RICTOR: variants seen among roughly 807,000 people sequenced by gnomAD.
RICTOR encodes the protein RPTOR independent companion of MTOR complex 2, also known as rapamycin-insensitive companion of mTOR.
In RICTOR, 49 loss-of-function variants were observed where a neutral mutation model predicts 214.9. That is an observed-to-expected ratio of 0.23 (90% CI 0.18 to 0.29). The LOEUF (loss-of-function observed/expected upper bound fraction) is 0.29, where lower values mean the gene tolerates loss of function less well. Among genes scored for constraint, RICTOR ranks in the 10% least tolerant of loss-of-function variants. The pLI is 1.00. For synonymous variants in RICTOR, 717 were observed against 711.3 expected (o/e 1.01, Z -0.13); for missense variants, 1,625 against 2,047.0 (o/e 0.79, Z 3.98).
chr5:38,971,292 A>C (rs932228614), intron 11 of RICTOR: 11 of 152,554 alleles, frequency 7.2e-5, no homozygotes, highest in Admixed American at 2.6e-4. Flanking sequence ...TTGGCCTCCC[A>C]AAGTGCTGGG....
chr5:38,953,908 A>T (rs1749012860), intron 27 of RICTOR, among the ~76,000 whole-genome samples: 1 of 151,890 alleles, frequency 6.6e-6, no homozygotes, highest in Admixed American at 6.6e-5. Flanking sequence ...AGTATTACTA[A>T]ATAATCATAC....
chr5:38,959,051 G>A, intron 22 of RICTOR, 144 bp downstream of exon 22: 1 of 674,944 alleles, frequency 1.5e-6, no homozygotes, highest in South Asian at 2.9e-5. Context: ...AGTACTATAT[G>A]CAGTTCCTTG....
intron 2 of RICTOR, among the ~76,000 whole-genome samples, chr5:39,061,283 G>A (rs1451524125): frequency 6.6e-6 from 1 of 152,166 alleles, no homozygotes; most frequent in East Asian, 1.9e-4. Flanking sequence ...AGGACTAACT[G>A]CAGAAAGTTA....
At chr5:38,947,197 A>C (rs890875378) in intron 32 of RICTOR, 67 bp downstream of exon 32, 12 of 1,109,640 alleles carry the variant, frequency 1.1e-5, no homozygotes, top group Non-Finnish European at 1.6e-5. Context: ...ATTTCTAGTA[A>C]GCAGTTACAG....
chr5:38,999,159 CA>C (rs1367974927), intron 5 of RICTOR, among the ~76,000 whole-genome samples: 1 of 150,218 alleles, frequency 6.7e-6, no homozygotes, highest in Admixed American at 6.6e-5. Flanking sequence ...AAACTAAGCA[CA>C]CTGAAATACA....
chr5:38,945,280 T>C, intron 34 of RICTOR: 1 of 608,490 alleles, frequency 1.6e-6, no homozygotes. Context: ...GGAAAAGACC[T>C]AATCCAGGGA....
intron 9 of RICTOR, among the ~76,000 whole-genome samples, chr5:38,977,141 G>T (rs1294258940): frequency 1.3e-5 from 2 of 152,184 alleles, no homozygotes. Context: ...AATGTGGGAG[G>T]CCTCTAGAAG....
At chr5:38,990,749 T>TATATATCAG (rs1293324035) in intron 7 of RICTOR, among the ~76,000 whole-genome samples, 200 bp downstream of exon 7, 2 of 117,474 alleles carry the variant, frequency 1.7e-5, no homozygotes, top group African/African-American at 6.5e-5. Flanking sequence ...ATATATGAGA[T>TATATATCAG]ATATGATATA....
At position 39,026,867 on chromosome 5, in the gene RICTOR, C is replaced by T. The variant is rs147961972; in HGVS notation, c.98-5731G>A. On this transcript the variant is annotated intron_variant, in intron 2 of 37. Coordinates refer to ENST00000357387, the MANE Select transcript of RICTOR (RefSeq NM_152756.5). ...TCCTAACAATACAAAATAAGCTGGGCGTGGTCACGCATGCCTGTTAATCCC... is the reference window on the plus strand; with the variant it reads ...TCCTAACAATACAAAATAAGCTGGGTGTGGTCACGCATGCCTGTTAATCCC... Among the ~76,000 whole-genome samples the T allele has an allele frequency of 4.2e-3, 633 of 151,726 alleles. 4 individuals are homozygous for T. The highest frequency in any genetic ancestry group is 0.014 in the African/African-American group (573 of 41,336).
At chr5:38,994,739 T>TACC (rs1753057161) in intron 6 of RICTOR, among the ~76,000 whole-genome samples, 1 of 129,174 alleles carries the variant, frequency 7.7e-6, no homozygotes, top group Non-Finnish European at 1.7e-5. Context: ...TAAAAACTAC[T>TACC]TTAAATTAAA....
chr5:39,034,625 C>T (rs1035134063), intron 2 of RICTOR, among the ~76,000 whole-genome samples: 4 of 152,332 alleles, frequency 2.6e-5, no homozygotes, highest in Non-Finnish European at 4.4e-5. Context: ...CCTAATACTG[C>T]GCTGTTCCAA....
chr5:39,019,083 T>G (rs1755190646), intron 3 of RICTOR, among the ~76,000 whole-genome samples: 1 of 151,938 alleles, frequency 6.6e-6, no homozygotes. Flanking sequence ...AGACCCCAAC[T>G]CTCTTAAATG....
chr5:39,049,551 G>C (rs1757708615), intron 2 of RICTOR, among the ~76,000 whole-genome samples: 1 of 150,628 alleles, frequency 6.6e-6, no homozygotes, highest in Non-Finnish European at 1.5e-5. Context: ...ATATGCAGTA[G>C]CAAGCCAGAT....
At chr5:39,013,945 T>C (rs558245082) in intron 3 of RICTOR, among the ~76,000 whole-genome samples, 1 of 152,258 alleles carries the variant, frequency 6.6e-6, no homozygotes, top group South Asian at 2.1e-4. Context: ...CAATGATGGA[T>C]CACATGTAGA....
At chr5:38,970,805 C>A (rs1282461722) in intron 11 of RICTOR, 1 of 152,094 alleles carries the variant, frequency 6.6e-6, no homozygotes. Flanking sequence ...GAAATATTAA[C>A]AATTCCATTT....
At chr5:38,966,074 T>TA (rs1236805651) in intron 15 of RICTOR, among the ~76,000 whole-genome samples, 126 of 152,068 alleles carry the variant, frequency 8.3e-4, no homozygotes, top group Admixed American at 8.1e-3. Flanking sequence ...TTCCAAAAGT[T>TA]ACTGTAATCA....
chr5:39,004,622 G>C (rs1753883997), intron 3 of RICTOR, among the ~76,000 whole-genome samples: 1 of 151,828 alleles, frequency 6.6e-6, no homozygotes, highest in Non-Finnish European at 1.5e-5. Flanking sequence ...ACCACGCCCA[G>C]CTAATTTTTG....
In RICTOR at chr5:39,055,072, G is replaced by A. The variant is rs555546497; in HGVS notation, c.97+19039C>T. 2.0e-5 allele frequency among the ~76,000 whole-genome samples: 3 copies of A among 152,254 alleles called. No individual in the cohort carries two copies. The South Asian group carries it at 6.2e-4, about 32-fold the overall frequency. Reference sequence around the variant, plus strand: ...ACATTAATTTAATGGCATGTGCTATGAAGTGCCTGCTCCAAGGGCTACAGT... The same window carrying A: ...ACATTAATTTAATGGCATGTGCTATAAAGTGCCTGCTCCAAGGGCTACAGT... On this transcript the variant is annotated intron_variant, in intron 2 of 37. Coordinates refer to ENST00000357387, the MANE Select transcript of RICTOR (RefSeq NM_152756.5).
chr5:39,037,884 A>G (rs1350746836), intron 2 of RICTOR, among the ~76,000 whole-genome samples: 2 of 152,268 alleles, frequency 1.3e-5, no homozygotes, highest in Non-Finnish European at 2.9e-5. Flanking sequence ...AAGTTCTACC[A>G]GAAGTACAAG....
Sources: gnomAD v4.1 joint callset for allele counts (sites outside exome capture counted in the v4.1 genomes callset) on GRCh38, gnomAD v4.1.1 for gene constraint, MANE v1.5 for transcripts, NCBI Gene and HGNC (gene_info 2026-07-23, HGNC 2026-07-21) for gene names.